Variants in EIF1AY observed in about 807,000 individuals in gnomAD.
EIF1AY encodes eukaryotic translation initiation factor 1A, Y-chromosomal.
For missense variants in EIF1AY, 19 were observed against 30.6 expected, an observed-to-expected ratio of 0.62 and a Z score of 0.89; for synonymous variants, 16 against 9.9, an observed-to-expected ratio of 1.62 and a Z score of -1.16.
Position 20,591,806 on chromosome Y carries a change from A to AT in EIF1AY, c.430-530dup, listed in dbSNP as rs757489268. On this transcript the variant is annotated intron_variant, in intron 6 of 6. Transcript: ENST00000361365. ...GAATAAGGATCTAGACATGGCTAAG[A>AT]TTTTTCTCAGGGAGTGGGGGGGAGT... 4.4e-3 allele frequency among the ~76,000 whole-genome samples: 145 copies of AT among 33,092 alleles called. No homozygotes were observed. In the East Asian group the frequency reaches 0.066, roughly 15 times the overall value. The allele number at this position is 33,092 out of a possible 37,273, so 88.8% of individuals were successfully genotyped here.
chrY:20,582,898 G>A, intron 3 of EIF1AY, among the ~76,000 whole-genome samples: 1 of 33,917 alleles, frequency 2.9e-5, no homozygotes, highest in African/African-American at 1.1e-4. Context: ...AACTTCTGTT[G>A]TATTCCTACC....
intron 3 of EIF1AY, among the ~76,000 whole-genome samples, chrY:20,583,799 G>C (rs2089352656): frequency 3.0e-5 from 1 of 33,410 alleles, no homozygotes; most frequent in Non-Finnish European, 7.4e-5. Flanking sequence ...TATTTATGTA[G>C]ATTGGGTGCT....
intron 1 of EIF1AY, among the ~76,000 whole-genome samples, chrY:20,578,111 T>C: frequency 3.0e-5 from 1 of 33,588 alleles, no homozygotes; most frequent in African/African-American, 1.2e-4. Flanking sequence ...TTTGGTTTTC[T>C]GTGTCTTTTT....
chrY:20,579,000 A>G, intron 1 of EIF1AY, among the ~76,000 whole-genome samples: 1 of 34,099 alleles, frequency 2.9e-5, no homozygotes, highest in African/African-American at 1.1e-4. Context: ...ACTTTAAACT[A>G]GAAATTATAT....
At chrY:20,578,692 T>C in intron 1 of EIF1AY, among the ~76,000 whole-genome samples, 2 of 33,397 alleles carry the variant, frequency 6.0e-5, no homozygotes, top group Non-Finnish European at 1.5e-4. Context: ...TGGCCAGGTA[T>C]ATGTTTTATT....
At chrY:20,584,412 C>G in intron 3 of EIF1AY, 62 bp from the exon 4 acceptor site, 1 of 180,130 alleles carries the variant, frequency 5.6e-6, no homozygotes, top group Non-Finnish European at 8.9e-6. Context: ...GGAAGATTCA[C>G]TAAACATTCT....
intron 3 of EIF1AY, 83 bp downstream of exon 3, chrY:20,582,776 T>A: frequency 1.3e-5 from 2 of 154,206 alleles, no homozygotes; most frequent in Non-Finnish European, 2.4e-5. Context: ...CAATTTATTT[T>A]TGTGAGTTCC....
At chrY:20,588,862 C>T (rs2089356715) in intron 5 of EIF1AY, 3 of 33,766 alleles carry the variant, frequency 8.9e-5, no homozygotes, top group African/African-American at 2.3e-4. Flanking sequence ...CTGAAAGTTT[C>T]GCTTTCATTA....
Position 20,589,566 on chromosome Y carries a change from C to T in EIF1AY, c.420C>T (p.Asp140=). The T allele has an allele frequency of 2.8e-6, 1 of 363,025 alleles. No individual in the cohort carries two copies. Among genetic ancestry groups the T allele is most frequent in the Non-Finnish European group, 4.0e-6 (1 of 251,076 alleles). 90.6% of individuals were successfully genotyped at this position (363,025 alleles called of 400,897 possible). A position where few individuals can be genotyped will look rare whatever the true frequency, so the allele number is the denominator to read the frequency against. ...ACGATATTGGAGATGATGATGAAGA[C>T]ATTGATGATGTAAGTAAATAAACCT... ...QFDDIGDDDE[D]IDDI The change falls in exon 6 of 7, where the codon GAC becomes GAT. Residue 140 remains aspartate, a synonymous_variant. Coordinates refer to ENST00000361365, the MANE Select transcript of EIF1AY (RefSeq NM_004681.4).
Position 20,584,508 on chromosome Y carries a change from G to C in EIF1AY, c.239G>C (p.Gly80Ala), listed in dbSNP as rs1194229636. ...AATACATCAGACATTATATTGGTTG[G>C]TCTACGGGACTATCAGGTAAAAATA... is the stretch of plus-strand genomic sequence containing the variant. ...WINTSDIILV[G>A]LRDYQDNKAD... Residue 80 changes from glycine (G) to alanine (A), a missense_variant, in exon 4 of 7, where the codon GGT becomes GCT. Gly to Ala is a moderately conservative substitution (Grantham distance 60, BLOSUM62 0). Coordinates refer to ENST00000361365, the MANE Select transcript of EIF1AY (RefSeq NM_004681.4). 1 of 339,201 alleles carries C rather than the reference G, an allele frequency of 2.9e-6. No individual in the cohort carries two copies. Among genetic ancestry groups the C allele is most frequent in the Non-Finnish European group, 4.1e-6 (1 of 241,223 alleles). The allele number at this position is 339,201 out of a possible 400,897, so 84.6% of individuals were successfully genotyped here.
At chrY:20,587,874 G>A in intron 4 of EIF1AY, 150 bp from the exon 5 acceptor site, 1 of 134,137 alleles carries the variant, frequency 7.5e-6, no homozygotes, top group Non-Finnish European at 1.4e-5. Flanking sequence ...TTTTTCTAGA[G>A]GGTATTGGGG....
chrY:20,581,851 AAAC>A (rs2089351030), intron 2 of EIF1AY, among the ~76,000 whole-genome samples: 2 of 33,715 alleles, frequency 5.9e-5, no homozygotes, highest in South Asian at 1.3e-3. Context: ...ACAGTCGTGA[AAAC>A]AACAGTTGAC....
chrY:20,592,309 T>C, intron 6 of EIF1AY, 32 bp from the exon 7 acceptor site: 1 of 350,320 alleles, frequency 2.9e-6, no homozygotes, highest in Non-Finnish European at 4.0e-6. Context: ...AGAGTTATTT[T>C]TCTATGGATC....
chrY:20,578,255 T>A (rs2089348090), intron 1 of EIF1AY, among the ~76,000 whole-genome samples: 1 of 33,190 alleles, frequency 3.0e-5, no homozygotes, highest in Non-Finnish European at 7.4e-5. Context: ...AAGCTGGTAT[T>A]CTACAAAAAT....
chrY:20,577,974 G>T (rs2089347879), intron 1 of EIF1AY, among the ~76,000 whole-genome samples: 1 of 31,720 alleles, frequency 3.2e-5, no homozygotes, highest in African/African-American at 1.2e-4. Context: ...TACCCATCCT[G>T]AATTGAATGT....
intron 4 of EIF1AY, chrY:20,586,998 T>C: frequency 8.9e-5 from 3 of 33,657 alleles, no homozygotes; most frequent in Non-Finnish European, 2.2e-4. Flanking sequence ...ATCTTACTTA[T>C]ATTGTAAATT....
chrY:20,580,177 C>T, intron 2 of EIF1AY, among the ~76,000 whole-genome samples: 3 of 32,342 alleles, frequency 9.3e-5, no homozygotes, highest in Non-Finnish European at 2.3e-4. Context: ...GTCTAATCTA[C>T]AGGGAACTGT....
intron 6 of EIF1AY, 79 bp from the exon 7 acceptor site, chrY:20,592,262 C>G (rs2089359550): frequency 5.0e-6 from 1 of 199,304 alleles, no homozygotes; most frequent in African/African-American, 8.2e-5. Context: ...CACAGTTTAC[C>G]ACTGGGAGTC....
At chrY:20,583,059 T>C (rs9341317) in intron 3 of EIF1AY, among the ~76,000 whole-genome samples, 275 of 33,299 alleles carry the variant, frequency 8.3e-3, no homozygotes, top group African/African-American at 0.03. Flanking sequence ...CATATCCCTT[T>C]GTTAGGTTTT....
Sources: gnomAD v4.1 joint callset for allele counts (sites outside exome capture counted in the v4.1 genomes callset) on GRCh38, gnomAD v4.1.1 for gene constraint, MANE v1.5 for transcripts, NCBI Gene and HGNC (gene_info 2026-07-23, HGNC 2026-07-21) for gene names.